The following NUP210L variants were observed in gnomAD, a reference collection of about 807,000 sequenced individuals.
NUP210L encodes the protein nucleoporin 210 like, also known as nuclear pore membrane glycoprotein 210-like.
In NUP210L, 74 loss-of-function variants were observed where a neutral mutation model predicts 208.5. That is an observed-to-expected ratio of 0.35 (90% CI 0.29 to 0.43). NUP210L has a LOEUF of 0.43. Ranked by LOEUF, NUP210L falls within the 20% of genes least tolerant of loss-of-function variation. NUP210L has a pLI of 1.00. For synonymous variants in NUP210L, 780 were observed against 816.9 expected (o/e 0.95, Z 0.77); for missense variants, 1,843 against 2,289.4 (o/e 0.81, Z 3.98).
chr1:154,065,952 T>C (rs572425475), intron 17 of NUP210L, among the ~76,000 whole-genome samples: 1 of 135,424 alleles, frequency 7.4e-6, no homozygotes, highest in African/African-American at 2.8e-5. Flanking sequence ...AACACTCAGA[T>C]ATACGATTAA....
At chr1:154,059,097 G>A (rs934587022) in intron 20 of NUP210L, among the ~76,000 whole-genome samples, 1 of 152,220 alleles carries the variant, frequency 6.6e-6, no homozygotes, top group African/African-American at 2.4e-5. Flanking sequence ...CACTTTGAGA[G>A]GCTGAGGCAA....
chr1:154,012,213 C>CA (rs1437111717), intron 34 of NUP210L, 31 bp downstream of exon 34: 1 of 1,604,642 alleles, frequency 6.2e-7, no homozygotes. Context: ...AAGATAGGAA[C>CA]AATCACTGAA....
intron 14 of NUP210L, among the ~76,000 whole-genome samples, chr1:154,097,646 A>G (rs944484503): frequency 2.6e-5 from 4 of 152,184 alleles, no homozygotes; most frequent in African/African-American, 9.6e-5. Context: ...AATTTGAATG[A>G]ATAATTTATC....
chr1:154,068,957 C>T (rs1038884098), intron 17 of NUP210L, among the ~76,000 whole-genome samples: 9 of 151,820 alleles, frequency 5.9e-5, no homozygotes, highest in Non-Finnish European at 1.3e-4. Flanking sequence ...CACATGTACC[C>T]TAAAACTTAA....
At chr1:154,117,997 AT>A in intron 11 of NUP210L, 117 bp from the exon 12 acceptor site, 3 of 724,260 alleles carry the variant, frequency 4.1e-6, no homozygotes, top group Non-Finnish European at 6.7e-6. Context: ...ATAATAAATT[AT>A]TTTTGGACAC....
At chr1:154,036,291 T>C (rs191517315) in intron 27 of NUP210L, among the ~76,000 whole-genome samples, 1 of 149,896 alleles carries the variant, frequency 6.7e-6, no homozygotes, top group East Asian at 2.0e-4. Context: ...ATTTATTTAT[T>C]TAATGTATAG....
rs148620094 is a variant in NUP210L at position 154,063,240 on chromosome 1, G to T, written c.2555-1566C>A. 1.0e-3 allele frequency among the ~76,000 whole-genome samples: 155 copies of T among 152,280 alleles called. No homozygotes were observed. In the Middle Eastern group the frequency reaches 0.014, roughly 13 times the overall value. On this transcript the variant is annotated intron_variant, in intron 17 of 39. Transcript: ENST00000368559. Reference sequence around the variant, plus strand: ...AGAAGGAATATTTATTTTAGACCGGGAATATAGAGGGACAGAAAACTCCTA... The same window carrying T: ...AGAAGGAATATTTATTTTAGACCGGTAATATAGAGGGACAGAAAACTCCTA...
At chr1:154,050,187 G>A (rs1050297754) in intron 25 of NUP210L, among the ~76,000 whole-genome samples, 1 of 152,194 alleles carries the variant, frequency 6.6e-6, no homozygotes, top group African/African-American at 2.4e-5. Flanking sequence ...TAGTGCCACA[G>A]AAAGTAACCA....
intron 17 of NUP210L, among the ~76,000 whole-genome samples, chr1:154,067,125 G>C (rs1452530036): frequency 6.6e-6 from 1 of 151,982 alleles, no homozygotes; most frequent in Non-Finnish European, 1.5e-5. Context: ...CCAACGCCTG[G>C]CAGAGACACA....
Position 154,125,635 on chromosome 1 carries a change from A to T in NUP210L, c.1326+688T>A, listed in dbSNP as rs1425755161. ...AGGCCCTCTCTGAAAGGAAGGAAGG[A>T]AGGAAGGAAGGAAGGAAGGAAGGAA... On this transcript the variant is annotated intron_variant, in intron 10 of 39. Transcript: ENST00000368559. 1.5e-3 allele frequency among the ~76,000 whole-genome samples: 4 copies of T among 2,728 alleles called. No individual in the cohort carries two copies. The Non-Finnish European group carries it at 0.017, about 11-fold the overall frequency. The allele number at this position is 2,728 out of a possible 152,430, so 1.8% of individuals were successfully genotyped here. A position where few individuals can be genotyped will look rare whatever the true frequency, so the allele number is the denominator to read the frequency against.
chr1:154,123,806 A>G (rs1426194761), intron 10 of NUP210L, among the ~76,000 whole-genome samples: 1 of 151,734 alleles, frequency 6.6e-6, no homozygotes, highest in Non-Finnish European at 1.5e-5. Context: ...TGAACTCAGG[A>G]GGCAGAGGTT....
chr1:154,133,236 C>T (rs1035221517), intron 7 of NUP210L, among the ~76,000 whole-genome samples: 1 of 152,136 alleles, frequency 6.6e-6, no homozygotes, highest in Non-Finnish European at 1.5e-5. Flanking sequence ...GCCAGTGTCG[C>T]CTCATCAGAG....
chr1:154,058,511 G>A, intron 21 of NUP210L, 54 bp downstream of exon 21: 2 of 1,581,760 alleles, frequency 1.3e-6, no homozygotes, highest in South Asian at 2.3e-5. Context: ...AAGGAATGCT[G>A]GGTAGTGAGA....
intron 1 of NUP210L, among the ~76,000 whole-genome samples, 184 bp downstream of exon 1, chr1:154,154,658 G>A (rs1434503821): frequency 1.3e-5 from 2 of 152,050 alleles, no homozygotes; most frequent in Non-Finnish European, 2.9e-5. Context: ...ACATGAGTAG[G>A]ACACGCCACA....
intron 16 of NUP210L, chr1:154,079,863 T>C (rs1655230429): frequency 1.3e-5 from 2 of 152,512 alleles, no homozygotes; most frequent in African/African-American, 4.8e-5. Flanking sequence ...GGACAAAGCA[T>C]AGCAGGACAA....
intron 14 of NUP210L, among the ~76,000 whole-genome samples, chr1:154,095,861 C>T (rs1656152876): frequency 6.6e-6 from 1 of 152,176 alleles, no homozygotes; most frequent in African/African-American, 2.4e-5. Context: ...ATCCCATTCA[C>T]AGATGAGGAA....
In NUP210L at chr1:154,140,666, C is replaced by CAAAAAAAAAAAAAAAAAAAAAAAA. The variant is rs1434093544; in HGVS notation, c.567-715_567-714insTTTTTTTTTTTTTTTTTTTTTTTT. Among the ~76,000 whole-genome samples the CAAAAAAAAAAAAAAAAAAAAAAAA allele has an allele frequency of 2.0e-4, 21 of 102,462 alleles. 1 individual carries two copies. Among genetic ancestry groups the CAAAAAAAAAAAAAAAAAAAAAAAA allele is most frequent in the Non-Finnish European group, 4.2e-4 (19 of 45,228 alleles). 67.2% of individuals were successfully genotyped at this position (102,462 alleles called of 152,430 possible). ...TGAGTGACAGAGCAAGACTCCATCT[C>CAAAAAAAAAAAAAAAAAAAAAAAA]AAAAAAAAAAACAGAAAAAGAAAAG... is the stretch of plus-strand genomic sequence containing the variant. On this transcript the variant is annotated intron_variant, in intron 4 of 39. Coordinates refer to ENST00000368559, the Ensembl canonical transcript of NUP210L.
At chr1:154,018,540 T>TA (rs1344076807) in intron 33 of NUP210L, among the ~76,000 whole-genome samples, 1 of 152,190 alleles carries the variant, frequency 6.6e-6, no homozygotes, top group Non-Finnish European at 1.5e-5. Flanking sequence ...GTTCTAGATA[T>TA]AATCTGTGAG....
rs375907073 is a variant in NUP210L at position 154,140,350 on chromosome 1, CAAAAAA to C, written c.567-404_567-399del. On this transcript the variant is annotated intron_variant, in intron 4 of 39. Coordinates refer to ENST00000368559, the Ensembl canonical transcript of NUP210L. ...TGGGTGACAGAGCAAGACTCCGTCTCAAAAAAAAAAAAAAAAGAAAAAGAAAAAGAT... is the reference window on the plus strand; with the variant it reads ...TGGGTGACAGAGCAAGACTCCGTCTCAAAAAAAAAAGAAAAAGAAAAAGAT... Among the ~76,000 whole-genome samples, 6 of 71,594 alleles carry C rather than the reference CAAAAAA, an allele frequency of 8.4e-5. 1 individual carries two copies. The highest frequency in any genetic ancestry group is 3.4e-4 in the African/African-American group (6 of 17,702). The allele number at this position is 71,594 out of a possible 152,430, so 47.0% of individuals were successfully genotyped here.
Sources: allele counts gnomAD v4.1 joint callset (sites outside exome capture counted in the v4.1 genomes callset), GRCh38; gene constraint gnomAD v4.1.1; transcripts MANE v1.5; gene names NCBI Gene and HGNC (gene_info 2026-07-23, HGNC 2026-07-21).